PTPRD: variants seen among roughly 807,000 people sequenced by gnomAD.
PTPRD encodes protein tyrosine phosphatase receptor type D.
A neutral mutation model predicts 214.5 loss-of-function variants in PTPRD; 34 were observed. That is an observed-to-expected ratio of 0.16 (90% CI 0.12 to 0.21). The LOEUF (loss-of-function observed/expected upper bound fraction) is 0.21. PTPRD is among the 10% of genes least tolerant of loss of function. The probability of loss-of-function intolerance (pLI) is 1.00; values close to 1 mark genes in which losing one functional copy is unlikely to be tolerated. For synonymous variants in PTPRD, 1,128 were observed against 845.7 expected, an observed-to-expected ratio of 1.33 and a Z score of -5.79; for missense variants, 2,545 against 2,398.7, an observed-to-expected ratio of 1.06 and a Z score of -1.27.
rs2132361599 is a variant in PTPRD at position 8,340,429 on chromosome 9, C to T, written c.5167G>A (p.Glu1723Lys). ...ATCCGCCAGAAGTCTTCAGTGGTCT[C>T]TGCCAAGGGCCCCTGGGTAGCGATG... ...AYIATQGPLA[E>K]TTEDFWRMLW... is the part of the protein sequence containing the mutation. Residue 1723 changes from glutamate (E) to lysine (K), a missense_variant, in exon 42 of 46, where the codon GAG becomes AAG. By Grantham distance (56) the Glu-to-Lys change is moderately conservative. Transcript: ENST00000381196. 2.5e-6 allele frequency: 4 copies of T among 1,608,218 alleles called. No homozygotes were observed. The highest frequency in any genetic ancestry group is 3.4e-6 in the Non-Finnish European group (4 of 1,175,838).
intron 3 of PTPRD, among the ~76,000 whole-genome samples, chr9:10,333,410 T>C (rs1266802200): frequency 3.3e-5 from 5 of 151,792 alleles, no homozygotes; most frequent in Non-Finnish European, 5.9e-5. Flanking sequence ...CTTTGGCAGC[T>C]ATTTTCTCTA....
chr9:10,048,278 T>TC (rs5896361), intron 3 of PTPRD, among the ~76,000 whole-genome samples: 104,778 of 151,936 alleles, frequency 0.69, 38,093 homozygotes, highest in African/African-American at 0.92. Context: ...AATTCTTACT[T>TC]CGATCTCTGT....
At chr9:9,560,795 A>T (rs757727102) in intron 8 of PTPRD, among the ~76,000 whole-genome samples, 6 of 152,148 alleles carry the variant, frequency 3.9e-5, no homozygotes, top group Non-Finnish European at 7.4e-5. Flanking sequence ...CTTTCTCATT[A>T]GCAGCTTACT....
At chr9:8,908,952 TTATA>T (rs998503589) in intron 11 of PTPRD, among the ~76,000 whole-genome samples, 8 of 149,924 alleles carry the variant, frequency 5.3e-5, no homozygotes, top group African/African-American at 1.9e-4. Context: ...TGAAAATAAA[TTATA>T]TATAATAATT....
chr9:9,599,757 A>G (rs1335795156), intron 7 of PTPRD, among the ~76,000 whole-genome samples: 1 of 152,006 alleles, frequency 6.6e-6, no homozygotes, highest in Non-Finnish European at 1.5e-5. Context: ...GCACATCTCT[A>G]TTAGCAAACA....
chr9:9,645,291 A>G (rs2096117107), intron 7 of PTPRD, among the ~76,000 whole-genome samples: 2 of 152,140 alleles, frequency 1.3e-5, no homozygotes, highest in South Asian at 4.1e-4. Flanking sequence ...AATGGAGACA[A>G]TAATGCCTAT....
chr9:8,484,583 A>C (rs1365263130), intron 29 of PTPRD, among the ~76,000 whole-genome samples: 1 of 123,978 alleles, frequency 8.1e-6, no homozygotes, highest in Non-Finnish European at 1.7e-5. Context: ...AAATGTTTCC[A>C]AGTCTATCAA....
chr9:9,235,924 C>T (rs1372012615), intron 9 of PTPRD, among the ~76,000 whole-genome samples: 1 of 152,054 alleles, frequency 6.6e-6, no homozygotes. Context: ...TCTCCATGAA[C>T]TTATTAGTCT....
intron 2 of PTPRD, among the ~76,000 whole-genome samples, chr9:10,453,227 A>C (rs1388256212): frequency 2.0e-5 from 3 of 151,740 alleles, no homozygotes; most frequent in Non-Finnish European, 4.4e-5. Flanking sequence ...ATAGACTTGT[A>C]ATATAGTTTG....
chr9:9,996,985 G>A, intron 4 of PTPRD, among the ~76,000 whole-genome samples: 1 of 152,164 alleles, frequency 6.6e-6, no homozygotes, highest in East Asian at 1.9e-4. Flanking sequence ...AAAAAGAGCA[G>A]TCAGTAGAAA....
At chr9:9,665,271 T>C (rs1455559615) in intron 7 of PTPRD, among the ~76,000 whole-genome samples, 1 of 151,716 alleles carries the variant, frequency 6.6e-6, no homozygotes, top group Non-Finnish European at 1.5e-5. Flanking sequence ...TTGATGTAAA[T>C]AGAAACACGG....
chr9:9,243,835 A>T (rs1351227385), intron 9 of PTPRD, among the ~76,000 whole-genome samples: 1 of 152,190 alleles, frequency 6.6e-6, no homozygotes, highest in African/African-American at 2.4e-5. Flanking sequence ...AATTAGGAAA[A>T]GAGGAAGTCA....
intron 3 of PTPRD, among the ~76,000 whole-genome samples, chr9:10,155,664 A>T (rs1252537840): frequency 6.6e-6 from 1 of 152,132 alleles, no homozygotes; most frequent in Non-Finnish European, 1.5e-5. Context: ...AGTGGTGTTG[A>T]ATTTTATCAA....
At chr9:10,184,892 C>T (rs2099321893) in intron 3 of PTPRD, among the ~76,000 whole-genome samples, 1 of 152,106 alleles carries the variant, frequency 6.6e-6, no homozygotes, top group African/African-American at 2.4e-5. Context: ...CCTTTTTACA[C>T]ATCACACCTG....
chr9:9,004,143 T>C (rs980252453), intron 11 of PTPRD, among the ~76,000 whole-genome samples: 2 of 152,028 alleles, frequency 1.3e-5, no homozygotes, highest in Non-Finnish European at 2.9e-5. Context: ...TAAACAGCTT[T>C]TGTCAATCAG....
intron 11 of PTPRD, among the ~76,000 whole-genome samples, chr9:8,769,952 AC>A (rs2095070665): frequency 2.0e-5 from 3 of 152,196 alleles, no homozygotes; most frequent in Admixed American, 1.3e-4. Flanking sequence ...GCCAAATATT[AC>A]AGTGCTAAGA....
intron 3 of PTPRD, among the ~76,000 whole-genome samples, chr9:10,182,442 T>C (rs547034802): frequency 1.9e-4 from 29 of 151,696 alleles, no homozygotes; most frequent in African/African-American, 6.8e-4. Context: ...CTCTGGAAAA[T>C]AGGGGAGATC....
rs866043080 is a variant in PTPRD, at chr9:9,732,550, C to G, written c.-287+1983G>C. Among the ~76,000 whole-genome samples the G allele has an allele frequency of 3.3e-5, 5 of 152,102 alleles. 1 individual carries two copies. The Middle Eastern group carries it at 0.014, about 414-fold the overall frequency. On this transcript the variant is annotated intron_variant, in intron 7 of 45. Transcript: ENST00000381196. ...AAAAGGACAATTACAGGAGGAGGGT[C>G]CAGATCCAACTTTTGCAACTAAGGA...
intron 2 of PTPRD, among the ~76,000 whole-genome samples, chr9:10,518,349 T>TATC (rs1471358654): frequency 1.3e-5 from 2 of 151,852 alleles, no homozygotes; most frequent in African/African-American, 4.8e-5. Context: ...TCACTTATCG[T>TATC]ATCTATTAAT....
Sources: gnomAD v4.1 joint callset for allele counts (sites outside exome capture counted in the v4.1 genomes callset) on GRCh38, gnomAD v4.1.1 for gene constraint, MANE v1.5 for transcripts, NCBI Gene and HGNC (gene_info 2026-07-23, HGNC 2026-07-21) for gene names.